WDTC1: variants seen among roughly 807,000 people sequenced by gnomAD.
The protein encoded by WDTC1 is WD and tetratricopeptide repeats 1.
In WDTC1, 12 loss-of-function variants were observed where a neutral mutation model predicts 76.0. The observed-to-expected ratio is 0.16, with a 90% CI of 0.10 to 0.26. WDTC1 has a LOEUF of 0.26. Among genes scored for constraint, WDTC1 ranks in the 10% least tolerant of loss-of-function variants. The pLI is 1.00. For synonymous variants in WDTC1, 326 were observed against 350.8 expected (o/e 0.93, Z 0.79); for missense variants, 511 against 908.8 (o/e 0.56, Z 5.63).
At chr1:27,243,726 ATAT>A (rs2011709844) in intron 1 of WDTC1, among the ~76,000 whole-genome samples, 1 of 152,138 alleles carries the variant, frequency 6.6e-6, no homozygotes, top group Non-Finnish European at 1.5e-5. Flanking sequence ...TGTTCAATAA[ATAT>A]TATTTAATAG....
At chr1:27,245,614 G>C (rs2011802560) in intron 1 of WDTC1, among the ~76,000 whole-genome samples, 1 of 150,938 alleles carries the variant, frequency 6.6e-6, no homozygotes, top group African/African-American at 2.5e-5. Flanking sequence ...CTGTCACCCA[G>C]GGTGGAGTGC....
chr1:27,271,556 A>C (rs1456410538), intron 3 of WDTC1, among the ~76,000 whole-genome samples: 3 of 152,094 alleles, frequency 2.0e-5, no homozygotes, highest in Non-Finnish European at 4.4e-5. Context: ...TCAAAAAGTA[A>C]AATTAAATCA....
At chr1:27,277,435 C>T (rs184415369) in intron 3 of WDTC1, among the ~76,000 whole-genome samples, 12 of 152,224 alleles carry the variant, frequency 7.9e-5, no homozygotes, top group Admixed American at 7.9e-4. Flanking sequence ...GCTAAAAAGA[C>T]TATTCTTTCC....
chr1:27,241,298 C>T lies in WDTC1; in HGVS notation c.-100+6347C>T, dbSNP rs142502248. 9.8e-4 allele frequency among the ~76,000 whole-genome samples: 149 copies of T among 152,246 alleles called. No homozygotes were observed. The Middle Eastern group carries it at 0.017, about 17-fold the overall frequency. On this transcript the variant is annotated intron_variant, in intron 1 of 15. Coordinates refer to ENST00000319394, the MANE Select transcript of WDTC1 (RefSeq NM_001276252.2). ...ATCAGACCTTGCCCAGGGAGCTCTCCAGAGGCTGTTGAGGGCAGTGTTTGG... is the reference window on the plus strand; with the variant it reads ...ATCAGACCTTGCCCAGGGAGCTCTCTAGAGGCTGTTGAGGGCAGTGTTTGG...
chr1:27,242,579 C>A (rs1324285949), intron 1 of WDTC1, among the ~76,000 whole-genome samples: 1 of 152,144 alleles, frequency 6.6e-6, no homozygotes, highest in East Asian at 1.9e-4. Flanking sequence ...AAGTGATTCT[C>A]CTGCCTCAGC....
chr1:27,289,286 G>A (rs1265147116), intron 6 of WDTC1, among the ~76,000 whole-genome samples: 1 of 150,026 alleles, frequency 6.7e-6, no homozygotes, highest in Non-Finnish European at 1.5e-5. Flanking sequence ...CCGGGCAGAG[G>A]GGCTCCTCAG....
chr1:27,254,777 C>A (rs1277070076), intron 1 of WDTC1, among the ~76,000 whole-genome samples: 1 of 152,084 alleles, frequency 6.6e-6, no homozygotes, highest in African/African-American at 2.4e-5. Flanking sequence ...GGATTACAGG[C>A]ATGCACCACC....
intron 3 of WDTC1, among the ~76,000 whole-genome samples, chr1:27,276,702 A>G (rs2147952999): frequency 6.6e-6 from 1 of 151,136 alleles, no homozygotes; most frequent in African/African-American, 2.4e-5. Context: ...CGAAAAAAAA[A>G]AAGAAAAGAA....
At chr1:27,248,961 A>T (rs1346864711) in intron 1 of WDTC1, among the ~76,000 whole-genome samples, 2 of 152,010 alleles carry the variant, frequency 1.3e-5, no homozygotes, top group Non-Finnish European at 2.9e-5. Flanking sequence ...CCAGCCTTAA[A>T]TTTTTTAAAA....
At chr1:27,250,655 C>T (rs965638803) in intron 1 of WDTC1, among the ~76,000 whole-genome samples, 2 of 152,170 alleles carry the variant, frequency 1.3e-5, no homozygotes, top group East Asian at 1.9e-4. Flanking sequence ...CTTTCTGCTG[C>T]GTTATCCAGA....
Position 27,297,149 on chromosome 1 carries a change from C to T in WDTC1, c.1051C>T (p.His351Tyr). ...CTTCCGGCTGCCGGAGAGTAGGGGA[C>T]ATGTCAGGTGAGGCCAGCTGGCTTG... ...NGFRLPESRG[H>Y]VSPQVELPPY... is the part of the protein sequence containing the mutation. The change falls in exon 11 of 16, where the codon CAT becomes TAT. Residue 351 changes from histidine (H) to tyrosine (Y), a missense_variant. Physicochemically the swap from His to Tyr is moderately conservative, Grantham distance 83 (BLOSUM62 2). Coordinates refer to ENST00000319394, the MANE Select transcript of WDTC1 (RefSeq NM_001276252.2). 1 of 1,605,854 alleles carries T rather than the reference C, an allele frequency of 6.2e-7. No homozygotes were observed. The highest frequency in any genetic ancestry group is 8.5e-7 in the Non-Finnish European group (1 of 1,175,852).
chr1:27,262,801 G>GT (rs998862067), intron 2 of WDTC1, among the ~76,000 whole-genome samples: 4 of 151,824 alleles, frequency 2.6e-5, no homozygotes, highest in Admixed American at 6.6e-5. Flanking sequence ...ATCAGCAGGG[G>GT]TTTTTTTTCC....
chr1:27,250,372 A>T (rs1177861498), intron 1 of WDTC1, among the ~76,000 whole-genome samples: 1 of 151,932 alleles, frequency 6.6e-6, no homozygotes, highest in Non-Finnish European at 1.5e-5. Flanking sequence ...CTGGTCTCAA[A>T]TTCCTGACCT....
chr1:27,298,955 G>A (rs2013762803), intron 12 of WDTC1, among the ~76,000 whole-genome samples: 2 of 152,190 alleles, frequency 1.3e-5, no homozygotes, highest in Admixed American at 1.3e-4. Context: ...ATGCTAGGTG[G>A]GGGTGGGGAA....
chr1:27,282,663 T>C (rs1484296963), intron 4 of WDTC1, among the ~76,000 whole-genome samples: 1 of 151,918 alleles, frequency 6.6e-6, no homozygotes, highest in Non-Finnish European at 1.5e-5. Context: ...CCACCATGCC[T>C]GGCTAATTTT....
At chr1:27,296,767 GCCCTAGCCCCAGCCCCAA>G (rs748459090) in intron 10 of WDTC1, among the ~76,000 whole-genome samples, 5 of 13,882 alleles carry the variant, frequency 3.6e-4, no homozygotes, top group Non-Finnish European at 7.3e-4. Flanking sequence ...CCCAGCCCCA[GCCCTAGCCCCAGCCCCAA>G]CCCTAGCCCC....
At chr1:27,296,761 G>A (rs1161172974) in intron 10 of WDTC1, among the ~76,000 whole-genome samples, 12 of 132,764 alleles carry the variant, frequency 9.0e-5, no homozygotes, top group African/African-American at 2.8e-4. Context: ...CCCACCCCCA[G>A]CCCCAGCCCT....
intron 9 of WDTC1, 99 bp from the exon 10 acceptor site, chr1:27,296,227 C>A: frequency 7.3e-7 from 1 of 1,376,412 alleles, no homozygotes; most frequent in Non-Finnish European, 1.0e-6. Context: ...TCACTGTGTT[C>A]CAAGACTCTA....
chr1:27,263,336 C>A, intron 3 of WDTC1, 101 bp downstream of exon 3: 1 of 1,136,354 alleles, frequency 8.8e-7, no homozygotes, highest in Non-Finnish European at 1.2e-6. Context: ...AAGTGTTTCT[C>A]TGCAGGCCAT....
Sources: allele counts gnomAD v4.1 joint callset (sites outside exome capture counted in the v4.1 genomes callset), GRCh38; gene constraint gnomAD v4.1.1; transcripts MANE v1.5; gene names NCBI Gene and HGNC (gene_info 2026-07-23, HGNC 2026-07-21).